TRAF3IP3: variants seen among roughly 807,000 people sequenced by gnomAD.
TRAF3IP3 encodes TRAF3 interacting protein 3, also known as TRAF3-interacting JNK-activating modulator.
Under a neutral mutation model 86.5 loss-of-function variants are expected in TRAF3IP3, and 64 were observed. That is an observed-to-expected ratio of 0.74 (90% CI 0.60 to 0.91). The LOEUF (loss-of-function observed/expected upper bound fraction) is 0.91. Ranked by LOEUF, TRAF3IP3 falls within the 40% of genes least tolerant of loss-of-function variation. TRAF3IP3 has a pLI of 0.00. For missense variants in TRAF3IP3, 579 were observed against 642.9 expected, an observed-to-expected ratio of 0.90 and a Z score of 1.07; for synonymous variants, 220 against 243.9, an observed-to-expected ratio of 0.90 and a Z score of 0.91.
chr1:209,777,296 C>A, intron 11 of TRAF3IP3, 56 bp from the exon 12 acceptor site: 1 of 1,497,574 alleles, frequency 6.7e-7, no homozygotes. Context: ...ACCCGCCCCC[C>A]AACCTCCACC....
Position 209,760,196 on chromosome 1 carries a change from C to G in TRAF3IP3, c.157C>G (p.Gln53Glu). Residue 53 changes from glutamine to glutamate, a missense_variant, in exon 3 of 17, where the codon CAG becomes GAG. Transcript: ENST00000367025. ...RQVGKTLRIQ[Q>E]REQLQRARLQ... ...GGTGGGGAAGACGCTGAGGATCCAA[C>G]AGAGAGAGCAGCTCCAGAGAGCTCG... The G allele has an allele frequency of 6.2e-7, 1 of 1,614,234 alleles. No homozygotes were observed. Among genetic ancestry groups the G allele is most frequent in the Non-Finnish European group, 8.5e-7 (1 of 1,180,036 alleles).
intron 8 of TRAF3IP3, among the ~76,000 whole-genome samples, chr1:209,768,833 G>T (rs1270759926): frequency 6.6e-6 from 1 of 152,198 alleles, no homozygotes; most frequent in Non-Finnish European, 1.5e-5. Flanking sequence ...GCTCAGACCA[G>T]GAAACTACAT....
At chr1:209,780,679 C>A in intron 15 of TRAF3IP3, 73 bp downstream of exon 15, 3 of 1,375,660 alleles carry the variant, frequency 2.2e-6, no homozygotes, top group Non-Finnish European at 2.9e-6. Flanking sequence ...AGTCAAAAAG[C>A]AGGGATTTCA....
intron 8 of TRAF3IP3, chr1:209,768,422 T>G (rs1386634253): frequency 1.0e-6 from 1 of 985,366 alleles, no homozygotes; most frequent in Non-Finnish European, 1.2e-6. Flanking sequence ...TTCAATATTG[T>G]GCAATACAAA....
At position 209,782,008 on chromosome 1, in the gene TRAF3IP3, T is replaced by C. The variant is rs994833789; in HGVS notation, c.1564-48T>C. On this transcript the variant is annotated intron_variant, in intron 16 of 16. Coordinates refer to ENST00000367025, the MANE Select transcript of TRAF3IP3 (RefSeq NM_025228.4). ...AAGAAAGATTTTTGCCTATATCTTT[T>C]CCAATCCACTCATGGCCACTTTCTT... The C allele has an allele frequency of 4.7e-6, 7 of 1,488,100 alleles. No homozygotes were observed. In the African/African-American group the frequency reaches 9.7e-5, roughly 21 times the overall value. 92.2% of individuals were successfully genotyped at this position (1,488,100 alleles called of 1,614,324 possible).
At chr1:209,764,499 TG>T (rs1480163085) in intron 8 of TRAF3IP3, among the ~76,000 whole-genome samples, 1 of 152,114 alleles carries the variant, frequency 6.6e-6, no homozygotes, top group Non-Finnish European at 1.5e-5. Flanking sequence ...CCCAGCACTT[TG>T]GGAGCCCGAG....
In TRAF3IP3 at chr1:209,763,487, C is replaced by A. The variant is rs750677077; in HGVS notation, c.607-5C>A. Reference sequence around the variant, plus strand: ...CCCTCTTGCACTTTGTGCCCGCACCCCCAGGAGGCCCTACAAAGGGAGCTG... The same window carrying A: ...CCCTCTTGCACTTTGTGCCCGCACCACCAGGAGGCCCTACAAAGGGAGCTG... On this transcript the variant is annotated splice_polypyrimidine_tract_variant and splice_region_variant and intron_variant, in intron 7 of 16. Coordinates refer to ENST00000367025, the MANE Select transcript of TRAF3IP3 (RefSeq NM_025228.4). 1 of 1,613,970 alleles carries A rather than the reference C, an allele frequency of 6.2e-7. No individual in the cohort carries two copies. Among genetic ancestry groups the A allele is most frequent in the Non-Finnish European group, 8.5e-7 (1 of 1,179,940 alleles).
chr1:209,779,056 A>C (rs1272456952), intron 13 of TRAF3IP3: 14 of 536,844 alleles, frequency 2.6e-5, no homozygotes, highest in Admixed American at 3.4e-5. Context: ...TCTTATAAGG[A>C]CACCAGTGAT....
At position 209,781,423 on chromosome 1, in the gene TRAF3IP3, G is replaced by A. The variant is rs2077777576; in HGVS notation, c.1528G>A (p.Glu510Lys). The A allele has an allele frequency of 6.2e-7, 1 of 1,613,450 alleles. No homozygotes were observed. Among genetic ancestry groups the A allele is most frequent in the East Asian group, 2.2e-5 (1 of 44,852 alleles). ...CCTGCGTAAGCTGCAGCACTGTCGA[G>A]AAGAGCTGAACCAGAGCCAGCAGCT... ...SCLRKLQHCR[E>K]ELNQSQQLPP... The change falls in exon 16 of 17, where the codon GAA becomes AAA. Residue 510 changes from glutamate (E) to lysine (K), a missense_variant. Transcript: ENST00000367025.
intron 11 of TRAF3IP3, 55 bp from the exon 12 acceptor site, chr1:209,777,297 A>C (rs2077675171): frequency 4.8e-6 from 7 of 1,466,920 alleles, no homozygotes; most frequent in Admixed American, 1.9e-5. Flanking sequence ...CCCGCCCCCC[A>C]ACCTCCACCC....
intron 8 of TRAF3IP3, chr1:209,768,657 C>A (rs1277894196): frequency 1.0e-6 from 1 of 985,528 alleles, no homozygotes; most frequent in Non-Finnish European, 1.2e-6. Flanking sequence ...CAGACCGGCA[C>A]CAGGTGTGTA....
chr1:209,770,631 G>A (rs1210982702), intron 8 of TRAF3IP3, among the ~76,000 whole-genome samples: 3 of 144,240 alleles, frequency 2.1e-5, no homozygotes, highest in Non-Finnish European at 1.5e-5. Flanking sequence ...GAAGTTGTGT[G>A]CAGGTGGAGG....
chr1:209,781,932 G>C, intron 16 of TRAF3IP3, 124 bp from the exon 17 acceptor site: 1 of 716,168 alleles, frequency 1.4e-6, no homozygotes, highest in Non-Finnish European at 2.4e-6. Flanking sequence ...AGAGTAAAAA[G>C]CTTTTTCTCC....
At chr1:209,763,248 C>A in intron 6 of TRAF3IP3, 115 bp from the exon 7 acceptor site, 2 of 1,424,324 alleles carry the variant, frequency 1.4e-6, no homozygotes, top group Non-Finnish European at 2.0e-6. Context: ...GGGACCCTGT[C>A]AGAGCCAAAG....
At chr1:209,770,753 AGG>A (rs1558019273) in intron 8 of TRAF3IP3, among the ~76,000 whole-genome samples, 2 of 119,296 alleles carry the variant, frequency 1.7e-5, no homozygotes, top group Non-Finnish European at 3.4e-5. Flanking sequence ...GTGCGTGTGC[AGG>A]TGGAGGTGTG....
intron 9 of TRAF3IP3, among the ~76,000 whole-genome samples, chr1:209,773,401 G>A (rs2077587918): frequency 6.6e-6 from 1 of 152,174 alleles, no homozygotes; most frequent in Non-Finnish European, 1.5e-5. Context: ...ATGTTATAAT[G>A]AAGTCTTACA....
chr1:209,776,002 G>A (rs2077646989), intron 11 of TRAF3IP3: 2 of 349,768 alleles, frequency 5.7e-6, no homozygotes, highest in Non-Finnish European at 1.0e-5. Context: ...AGAACTGGCT[G>A]GAATATTCAT....
chr1:209,767,209 C>A (rs2077373706), intron 8 of TRAF3IP3, among the ~76,000 whole-genome samples: 1 of 152,100 alleles, frequency 6.6e-6, no homozygotes, highest in Non-Finnish European at 1.5e-5. Context: ...TATATAAAAT[C>A]AGAGATCCTT....
intron 11 of TRAF3IP3, chr1:209,777,120 G>A (rs765930986): frequency 1.9e-4 from 62 of 327,630 alleles, no homozygotes; most frequent in Non-Finnish European, 3.0e-4. Flanking sequence ...AATAAAAGAC[G>A]CGAGTTCCTT....
Sources: allele counts gnomAD v4.1 joint callset (sites outside exome capture counted in the v4.1 genomes callset), GRCh38; gene constraint gnomAD v4.1.1; transcripts MANE v1.5; gene names NCBI Gene and HGNC (gene_info 2026-07-23, HGNC 2026-07-21).